Variants in NAV3 observed in about 807,000 individuals in gnomAD.
The protein encoded by NAV3 is pore membrane and/or filament interacting like protein 1.
In NAV3, 87 loss-of-function variants were observed where a neutral mutation model predicts 244.7. The ratio of observed to expected loss-of-function variants is 0.36; its 90% CI spans 0.30 to 0.42. The LOEUF is 0.42. Ranked by LOEUF, NAV3 falls within the 20% of genes least tolerant of loss-of-function variation. The probability of loss-of-function intolerance (pLI) is 1.00; values close to 1 mark genes in which losing one functional copy is unlikely to be tolerated. For missense variants in NAV3, 2,663 were observed against 2,893.3 expected (o/e 0.92, Z 1.83); for synonymous variants, 1,126 against 1,042.2 (o/e 1.08, Z -1.55).
chr12:77,805,478 TGC>T (rs1204463071), intron 2 of NAV3, among the ~76,000 whole-genome samples: 5 of 152,238 alleles, frequency 3.3e-5, no homozygotes, highest in Non-Finnish European at 7.3e-5. Context: ...TTTATTGATT[TGC>T]ATATGTTGAA....
At chr12:78,060,949 G>A (rs1011135780) in intron 12 of NAV3, among the ~76,000 whole-genome samples, 2 of 152,246 alleles carry the variant, frequency 1.3e-5, no homozygotes, top group East Asian at 1.9e-4. Flanking sequence ...AACTCTCCTT[G>A]CTCCATCAGG....
chr12:77,993,993 G>A (rs946860102), intron 5 of NAV3, among the ~76,000 whole-genome samples: 4 of 109,594 alleles, frequency 3.6e-5, no homozygotes, highest in East Asian at 2.7e-4. Context: ...CTTAGGTAAC[G>A]CAGAGATCAG....
chr12:77,814,512 G>A (rs1265130084), intron 2 of NAV3, among the ~76,000 whole-genome samples: 1 of 152,034 alleles, frequency 6.6e-6, no homozygotes, highest in Non-Finnish European at 1.5e-5. Flanking sequence ...AATTCAAAGG[G>A]AATGGCTGGG....
intron 2 of NAV3, among the ~76,000 whole-genome samples, chr12:77,759,135 C>T (rs1869339838): frequency 6.6e-6 from 1 of 152,140 alleles, no homozygotes; most frequent in Non-Finnish European, 1.5e-5. Context: ...CATCCTTAAT[C>T]CCTATATTGG....
chr12:77,790,228 A>C (rs143638144), intron 2 of NAV3, among the ~76,000 whole-genome samples: 1 of 152,232 alleles, frequency 6.6e-6, no homozygotes, highest in African/African-American at 2.4e-5. Flanking sequence ...CACAGTGGGC[A>C]TATGCCATAT....
chr12:78,018,276 G>A (rs1274673670), intron 8 of NAV3, among the ~76,000 whole-genome samples: 2 of 152,162 alleles, frequency 1.3e-5, no homozygotes, highest in African/African-American at 2.4e-5. Context: ...ACAAGACTGA[G>A]CTGTCACAAG....
intron 2 of NAV3, among the ~76,000 whole-genome samples, chr12:77,753,496 A>G (rs906074291): frequency 6.6e-6 from 1 of 152,152 alleles, no homozygotes; most frequent in Non-Finnish European, 1.5e-5. Context: ...GATGCAGCAC[A>G]TGTGTGTTCT....
chr12:77,742,856 CCA>C (rs1868364049), intron 2 of NAV3, among the ~76,000 whole-genome samples: 1 of 151,924 alleles, frequency 6.6e-6, no homozygotes, highest in African/African-American at 2.4e-5. Context: ...ATTCATCTCT[CCA>C]GTCAATTGCA....
intron 2 of NAV3, among the ~76,000 whole-genome samples, chr12:77,613,761 A>G (rs996954968): frequency 6.6e-6 from 1 of 152,056 alleles, no homozygotes; most frequent in Non-Finnish European, 1.5e-5. Context: ...TCCTTTGGCA[A>G]TTTACTGAAG....
chr12:78,057,406 CT>C (rs1185432893), intron 11 of NAV3, among the ~76,000 whole-genome samples: 19 of 152,132 alleles, frequency 1.2e-4, no homozygotes, highest in Non-Finnish European at 2.9e-5. Flanking sequence ...ATTTAGTAAA[CT>C]TTGTGATGAC....
chr12:77,702,176 C>G (rs1425133205), intron 2 of NAV3, among the ~76,000 whole-genome samples: 2 of 151,836 alleles, frequency 1.3e-5, no homozygotes, highest in African/African-American at 4.8e-5. Flanking sequence ...TTTCTGTCTC[C>G]CTGATAAATT....
chr12:77,758,822 A>G (rs566329476), intron 2 of NAV3, among the ~76,000 whole-genome samples: 2 of 152,362 alleles, frequency 1.3e-5, no homozygotes, highest in African/African-American at 4.8e-5. Flanking sequence ...CAATGAATTC[A>G]ATAGTAAAGA....
At chr12:78,189,879 A>T (rs1188842584) in intron 33 of NAV3, 105 bp from the exon 34 acceptor site, 1 of 785,402 alleles carries the variant, frequency 1.3e-6, no homozygotes, top group East Asian at 2.6e-5. Context: ...TTTTTCAAGG[A>T]CTCTATTCCT....
At chr12:78,029,412 C>T (rs1199842075) in intron 9 of NAV3, among the ~76,000 whole-genome samples, 1 of 152,106 alleles carries the variant, frequency 6.6e-6, no homozygotes, top group Non-Finnish European at 1.5e-5. Flanking sequence ...GCATGATGAT[C>T]TTAGTGAAGA....
rs536487490 is a variant in NAV3 at position 78,169,268 on chromosome 12, A to G, written c.4981+402A>G. Among the ~76,000 whole-genome samples, 29 of 151,888 alleles carry G rather than the reference A, an allele frequency of 1.9e-4. No individual in the cohort carries two copies. In the South Asian group the frequency reaches 4.1e-3, roughly 22 times the overall value. The stretch of plus-strand genomic sequence containing the variant: ...TGTATTTAAAAATGAAATAGTCAAT[A>G]TGATGATATAGTAAGCAGTGGGCAT... On this transcript the variant is annotated intron_variant, in intron 24 of 39. Transcript: ENST00000397909.
intron 12 of NAV3, among the ~76,000 whole-genome samples, chr12:78,102,964 A>G (rs1954612987): frequency 6.6e-6 from 1 of 152,166 alleles, no homozygotes; most frequent in African/African-American, 2.4e-5. Flanking sequence ...GGCTGCCATG[A>G]AGACCTATGA....
intron 2 of NAV3, among the ~76,000 whole-genome samples, chr12:77,614,303 T>C (rs1871063178): frequency 6.6e-6 from 1 of 151,866 alleles, no homozygotes; most frequent in African/African-American, 2.4e-5. Context: ...TGGTTGATAA[T>C]CACTGCTCTT....
At chr12:77,697,231 A>G (rs538937413) in intron 2 of NAV3, among the ~76,000 whole-genome samples, 20 of 152,176 alleles carry the variant, frequency 1.3e-4, no homozygotes, top group Non-Finnish European at 2.2e-4. Context: ...TGGCCTGTAG[A>G]TGCACTATCA....
intron 2 of NAV3, among the ~76,000 whole-genome samples, chr12:77,585,474 G>A (rs574345447): frequency 7.6e-6 from 1 of 131,334 alleles, no homozygotes; most frequent in South Asian, 2.6e-4. Context: ...AAAATTTCTT[G>A]TTAAGAAAGG....
Sources: gnomAD v4.1 joint callset for allele counts (sites outside exome capture counted in the v4.1 genomes callset) on GRCh38, gnomAD v4.1.1 for gene constraint, MANE v1.5 for transcripts, NCBI Gene and HGNC (gene_info 2026-07-23, HGNC 2026-07-21) for gene names.